Variants in CADM2 observed in about 807,000 individuals in gnomAD.
CADM2 encodes cell adhesion molecule 2.
A neutral mutation model predicts 49.8 loss-of-function variants in CADM2; 12 were observed. The ratio of observed to expected loss-of-function variants is 0.24; its 90% CI spans 0.15 to 0.39. The LOEUF (loss-of-function observed/expected upper bound fraction) is 0.39, where lower values mean the gene tolerates loss of function less well. Among genes scored for constraint, CADM2 ranks in the 10% least tolerant of loss-of-function variants. The pLI, the probability that CADM2 is intolerant of heterozygous loss-of-function variation, is 1.00. For synonymous variants in CADM2, 214 were observed against 175.4 expected, an observed-to-expected ratio of 1.22 and a Z score of -1.74; for missense variants, 378 against 492.3, an observed-to-expected ratio of 0.77 and a Z score of 2.20.
chr3:86,042,992 C>T lies in CADM2; in HGVS notation c.971-22613C>T, dbSNP rs139437982. Among the ~76,000 whole-genome samples the T allele has an allele frequency of 2.5e-3, 385 of 152,252 alleles. 1 individual carries two copies. Among genetic ancestry groups the T allele is most frequent in the African/African-American group, 9.0e-3 (373 of 41,540 alleles). ...AAAGACAAAAACCACTTGATTACCT[C>T]AATAGATGCAGAAAAGGCCTTTGAT... On this transcript the variant is annotated intron_variant, in intron 8 of 9. Coordinates refer to ENST00000383699, the MANE Select transcript of CADM2 (RefSeq NM_001167675.2).
At chr3:85,954,030 G>T (rs190186502) in intron 7 of CADM2, among the ~76,000 whole-genome samples, 1 of 150,764 alleles carries the variant, frequency 6.6e-6, no homozygotes, top group Non-Finnish European at 1.5e-5. Context: ...ATTTTAAAAT[G>T]AGCCTAAATT....
chr3:85,459,123 A>G (rs2038122771), intron 1 of CADM2, among the ~76,000 whole-genome samples: 1 of 152,170 alleles, frequency 6.6e-6, no homozygotes, highest in South Asian at 2.1e-4. Flanking sequence ...GTACAAGAAT[A>G]CCCAAGTAAA....
chr3:86,069,485 T>A lies in CADM2; in HGVS notation c.*2702T>A, dbSNP rs1161073889. The A allele has an allele frequency of 6.6e-6, 1 of 152,026 alleles. No individual in the cohort carries two copies. Among genetic ancestry groups the A allele is most frequent in the Non-Finnish European group, 1.5e-5 (1 of 67,896 alleles). 9.4% of individuals were successfully genotyped at this position (152,026 alleles called of 1,614,324 possible). On this transcript the variant is annotated 3_prime_UTR_variant, in exon 10 of 10. Transcript: ENST00000383699. The stretch of plus-strand genomic sequence containing the variant: ...CAATGAAGTCATATTTTCATACCTT[T>A]AAAAATTATTTAATTTTCAACCAAA...
intron 1 of CADM2, among the ~76,000 whole-genome samples, chr3:85,573,454 G>A (rs911962700): frequency 3.3e-5 from 5 of 152,078 alleles, no homozygotes; most frequent in African/African-American, 4.8e-5. Context: ...ACCTCCCAAA[G>A]TGCTGGCATT....
intron 1 of CADM2, among the ~76,000 whole-genome samples, chr3:85,531,101 G>T (rs990499591): frequency 1.3e-5 from 2 of 152,102 alleles, no homozygotes; most frequent in Non-Finnish European, 2.9e-5. Flanking sequence ...GTTTTTACCT[G>T]TGAACCCGAT....
chr3:85,014,164 T>C (rs1470861920), intron 1 of CADM2, among the ~76,000 whole-genome samples: 1 of 147,204 alleles, frequency 6.8e-6, no homozygotes, highest in Non-Finnish European at 1.5e-5. Context: ...GTATATTATA[T>C]ATACGCAGTG....
At chr3:85,027,494 A>T (rs2034789470) in intron 1 of CADM2, among the ~76,000 whole-genome samples, 1 of 151,990 alleles carries the variant, frequency 6.6e-6, no homozygotes, top group Non-Finnish European at 1.5e-5. Flanking sequence ...TATTCTATAA[A>T]TATAAAATTA....
chr3:85,612,570 T>TA (rs1337199125), intron 1 of CADM2, among the ~76,000 whole-genome samples: 3 of 151,832 alleles, frequency 2.0e-5, no homozygotes, highest in African/African-American at 7.2e-5. Flanking sequence ...GAACTGAAAA[T>TA]ATATTAGTTA....
intron 1 of CADM2, among the ~76,000 whole-genome samples, chr3:85,687,360 A>G (rs1426191039): frequency 6.6e-6 from 1 of 152,192 alleles, no homozygotes; most frequent in African/African-American, 2.4e-5. Flanking sequence ...GAATCATCTT[A>G]TTTAACTTTG....
At chr3:85,514,194 T>C (rs2060840493) in intron 1 of CADM2, among the ~76,000 whole-genome samples, 1 of 152,072 alleles carries the variant, frequency 6.6e-6, no homozygotes, top group East Asian at 1.9e-4. Context: ...ATGATGTGCT[T>C]TTCTATGTTC....
chr3:86,006,532 A>G (rs993969928), intron 8 of CADM2, among the ~76,000 whole-genome samples: 2 of 152,186 alleles, frequency 1.3e-5, no homozygotes, highest in African/African-American at 4.8e-5. Flanking sequence ...TGAGACTTTG[A>G]AACCTCTAAG....
intron 5 of CADM2, among the ~76,000 whole-genome samples, chr3:85,910,255 T>A (rs1717404251): frequency 6.6e-6 from 1 of 152,130 alleles, no homozygotes; most frequent in Non-Finnish European, 1.5e-5. Flanking sequence ...TTATAAAAAT[T>A]GTTTGTCAAG....
At chr3:85,398,019 A>G (rs902719186) in intron 1 of CADM2, among the ~76,000 whole-genome samples, 2 of 151,636 alleles carry the variant, frequency 1.3e-5, no homozygotes, top group African/African-American at 4.8e-5. Flanking sequence ...TTTTTTTTTA[A>G]TTATACTTTA....
At chr3:85,674,153 TA>T (rs923689620) in intron 1 of CADM2, among the ~76,000 whole-genome samples, 20 of 151,834 alleles carry the variant, frequency 1.3e-4, no homozygotes, top group Admixed American at 1.1e-3. Flanking sequence ...AGATATTAGT[TA>T]AAAAAAATGG....
chr3:85,293,739 C>T (rs1474714585), intron 1 of CADM2, among the ~76,000 whole-genome samples: 2 of 148,622 alleles, frequency 1.3e-5, no homozygotes, highest in Non-Finnish European at 1.5e-5. Context: ...AATTCAGCAA[C>T]CCTTCATGCT....
At chr3:85,043,498 C>T (rs957783448) in intron 1 of CADM2, among the ~76,000 whole-genome samples, 11 of 151,628 alleles carry the variant, frequency 7.3e-5, no homozygotes, top group South Asian at 2.1e-4. Flanking sequence ...TGGGCAACTT[C>T]GTAAGGCCCC....
At chr3:85,952,258 G>C (rs1723520942) in intron 7 of CADM2, among the ~76,000 whole-genome samples, 2 of 150,770 alleles carry the variant, frequency 1.3e-5, no homozygotes, top group South Asian at 4.1e-4. Context: ...TTTTTTTCTT[G>C]CTCCAATGAC....
At chr3:85,358,249 T>C (rs965900549) in intron 1 of CADM2, among the ~76,000 whole-genome samples, 2 of 152,120 alleles carry the variant, frequency 1.3e-5, no homozygotes, top group East Asian at 3.9e-4. Context: ...AAATGTCCCC[T>C]GGACAGCAAA....
At chr3:85,669,785 G>A (rs1160883791) in intron 1 of CADM2, among the ~76,000 whole-genome samples, 1 of 151,994 alleles carries the variant, frequency 6.6e-6, no homozygotes, top group African/African-American at 2.4e-5. Flanking sequence ...GAAAGCAGTA[G>A]CAGCTGAACA....
Sources: allele counts gnomAD v4.1 joint callset (sites outside exome capture counted in the v4.1 genomes callset), GRCh38; gene constraint gnomAD v4.1.1; transcripts MANE v1.5; gene names NCBI Gene and HGNC (gene_info 2026-07-23, HGNC 2026-07-21).